NRL: variants seen among roughly 807,000 people sequenced by gnomAD.
NRL encodes the protein neural retina leucine zipper, also known as neural retina-specific leucine zipper protein.
In NRL, 16 loss-of-function variants were observed where a neutral mutation model predicts 12.5. That is an observed-to-expected ratio of 1.28 (90% CI 0.87 to 1.95). The LOEUF (loss-of-function observed/expected upper bound fraction) is 1.95, where lower values mean the gene tolerates loss of function less well. Ranked by LOEUF, NRL falls within the 30% of genes most tolerant of loss-of-function variation. The pLI is 0.00. For synonymous variants in NRL, 142 were observed against 150.9 expected, an observed-to-expected ratio of 0.94 and a Z score of 0.43; for missense variants, 314 against 325.8, an observed-to-expected ratio of 0.96 and a Z score of 0.28.
chr14:24,091,119 CTGTGTGTGTGTGTGTGTGTG>C (rs55656236), intron 1 of NRL, among the ~76,000 whole-genome samples: 11 of 138,732 alleles, frequency 7.9e-5, no homozygotes, highest in Middle Eastern at 3.8e-3. Flanking sequence ...CAGAAAAGGC[CTGTGTGTGTGTGTGTGTGTG>C]TGTGTGTGTG....
chr14:24,084,500 T>C (rs1164076931), intron 1 of NRL: 3 of 962,356 alleles, frequency 3.1e-6, no homozygotes, highest in Non-Finnish European at 3.7e-6. Context: ...GACACCCAGG[T>C]AGGCCCTGGA....
chr14:24,098,913 A>T, intron 1 of NRL: 1 of 755,116 alleles, frequency 1.3e-6, no homozygotes, highest in Non-Finnish European at 2.2e-6. Flanking sequence ...GGTTATTATG[A>T]GGTGGGGGGC....
At chr14:24,098,155 AG>A in intron 1 of NRL, 1 of 1,535,152 alleles carries the variant, frequency 6.5e-7, no homozygotes, top group Non-Finnish European at 8.8e-7. Context: ...TCTAGGGACA[AG>A]GGAAACCTGC....
rs537091055 is a variant in NRL at position 24,079,411 on chromosome 14, A to T, written c.*1825T>A. Among the ~76,000 whole-genome samples, 10 of 152,280 alleles carry T rather than the reference A, an allele frequency of 6.6e-5. No individual in the cohort carries two copies. Among genetic ancestry groups the T allele is most frequent in the Non-Finnish European group, 8.8e-5 (6 of 68,028 alleles). On this transcript the variant is annotated 3_prime_UTR_variant, in exon 3 of 3. Transcript: ENST00000561028. Reference sequence around the variant, plus strand: ...CCTTCAACAATGAGTGTGGAAGGGGATGAAGAAAGAGAAGCTAAAGGTTCT... The same window carrying T: ...CCTTCAACAATGAGTGTGGAAGGGGTTGAAGAAAGAGAAGCTAAAGGTTCT...
chr14:24,103,862 T>C, intron 1 of NRL: 1 of 1,614,170 alleles, frequency 6.2e-7, no homozygotes, highest in Non-Finnish European at 8.5e-7. Context: ...AACAGGAGGT[T>C]CGTGACATTC....
chr14:24,098,717 T>C, intron 1 of NRL: 1 of 1,555,004 alleles, frequency 6.4e-7, no homozygotes, highest in Non-Finnish European at 8.8e-7. Flanking sequence ...CACAGAGGCC[T>C]TCTTGTACTC....
chr14:24,098,420 CGGAAGATGTGAACAGGTTT>C (rs1164102209), intron 1 of NRL: 3 of 1,611,848 alleles, frequency 1.9e-6, no homozygotes, highest in Non-Finnish European at 2.5e-6. Flanking sequence ...GGCAAGGGCA[CGGAAGATGTGAACAGGTTT>C]GGAACCCTTC....
intron 1 of NRL, among the ~76,000 whole-genome samples, chr14:24,090,669 G>A (rs1391310046): frequency 6.6e-6 from 1 of 152,200 alleles, no homozygotes; most frequent in Non-Finnish European, 1.5e-5. Flanking sequence ...TGAACCCAGA[G>A]GCCCCAGAGA....
At chr14:24,088,570 T>C (rs1438291160) in intron 1 of NRL, among the ~76,000 whole-genome samples, 1 of 152,180 alleles carries the variant, frequency 6.6e-6, no homozygotes, top group Non-Finnish European at 1.5e-5. Context: ...CAGGCCATTG[T>C]GAAGTATGTA....
rs929988310 is a variant in NRL, at chr14:24,079,379, T to A, written c.*1857A>T. Among the ~76,000 whole-genome samples the A allele has an allele frequency of 6.6e-6, 1 of 152,108 alleles. No homozygotes were observed. The highest frequency in any genetic ancestry group is 2.4e-5 in the African/African-American group (1 of 41,414). ...TCCCGGAAGGACCCTCCCTGCCCCA[T>A]CCTCTCCCTTCAACAATGAGTGTGG... On this transcript the variant is annotated 3_prime_UTR_variant, in exon 3 of 3. Coordinates refer to ENST00000561028, the MANE Select transcript of NRL (RefSeq NM_001354768.3).
chr14:24,108,875 C>T (rs1473792997), intron 1 of NRL, among the ~76,000 whole-genome samples: 1 of 152,180 alleles, frequency 6.6e-6, no homozygotes, highest in Admixed American at 6.5e-5. Context: ...AAACACGGAA[C>T]TGTCCCAGGA....
chr14:24,098,627 G>A, intron 1 of NRL: 2 of 1,614,030 alleles, frequency 1.2e-6, no homozygotes, highest in Non-Finnish European at 8.5e-7. Context: ...CCTGGGAGAT[G>A]GTGACTTTGT....
At chr14:24,105,037 G>A (rs1208338971) in intron 1 of NRL, among the ~76,000 whole-genome samples, 1 of 152,204 alleles carries the variant, frequency 6.6e-6, no homozygotes, top group Non-Finnish European at 1.5e-5. Flanking sequence ...CTTCAGAGCT[G>A]ACAGCCTCGA....
intron 1 of NRL, among the ~76,000 whole-genome samples, chr14:24,090,268 G>GC (rs1214217582): frequency 0.31 from 2,941 of 9,606 alleles, 173 homozygotes; most frequent in East Asian, 0.55. Context: ...GTTTACTCGG[G>GC]GGGGGGGGGG....
chr14:24,087,483 TG>T (rs2036495289), intron 1 of NRL, among the ~76,000 whole-genome samples: 1 of 151,740 alleles, frequency 6.6e-6, no homozygotes, highest in African/African-American at 2.4e-5. Context: ...GGAGAGAAAA[TG>T]AGACAGTCAG....
At chr14:24,108,768 A>G (rs2037376466) in intron 1 of NRL, among the ~76,000 whole-genome samples, 1 of 152,204 alleles carries the variant, frequency 6.6e-6, no homozygotes, top group African/African-American at 2.4e-5. Context: ...ACACATTTTA[A>G]GTCCCTAGGT....
chr14:24,111,912 GC>G (rs1264041982), intron 1 of NRL, among the ~76,000 whole-genome samples: 1 of 113,714 alleles, frequency 8.8e-6, no homozygotes, highest in East Asian at 2.3e-4. Flanking sequence ...CCTGTCTTGT[GC>G]CAGTTTTCAA....
chr14:24,082,444 C>T (rs776825040), intron 2 of NRL, 24 bp downstream of exon 2: 1 of 1,611,814 alleles, frequency 6.2e-7, no homozygotes, highest in South Asian at 1.1e-5. Context: ...TGCCTCCCCT[C>T]AGGCCAGCTT....
At chr14:24,091,709 C>CT (rs896016002) in intron 1 of NRL, among the ~76,000 whole-genome samples, 67 of 148,284 alleles carry the variant, frequency 4.5e-4, no homozygotes, top group Middle Eastern at 3.5e-3. Flanking sequence ...GCAAATGACT[C>CT]TTTTTTTTTT....
Sources: gnomAD v4.1 joint callset for allele counts (sites outside exome capture counted in the v4.1 genomes callset) on GRCh38, gnomAD v4.1.1 for gene constraint, MANE v1.5 for transcripts, NCBI Gene and HGNC (gene_info 2026-07-23, HGNC 2026-07-21) for gene names.